The following PLOD1 variants were observed in gnomAD, a reference collection of about 807,000 sequenced individuals.
PLOD1 encodes procollagen-lysine,2-oxoglutarate 5-dioxygenase 1.
A neutral mutation model predicts 94.7 loss-of-function variants in PLOD1; 70 were observed. That is an observed-to-expected ratio of 0.74 (90% CI 0.61 to 0.90). The LOEUF is 0.90. PLOD1 is among the 40% of genes least tolerant of loss of function. The pLI, the probability that PLOD1 is intolerant of heterozygous loss-of-function variation, is 0.00. For missense variants in PLOD1, 905 were observed against 972.7 expected (o/e 0.93, Z 0.93); for synonymous variants, 417 against 400.2 (o/e 1.04, Z -0.50).
intron 17 of PLOD1, among the ~76,000 whole-genome samples, chr1:11,971,358 TC>T (rs1243999997): frequency 6.8e-6 from 1 of 146,712 alleles, no homozygotes; most frequent in East Asian, 2.0e-4. Flanking sequence ...GGATATTTGG[TC>T]CCCAGGCAGG....
At position 11,963,443 on chromosome 1, in the gene PLOD1, G is replaced by A. The variant is rs72641011; in HGVS notation, c.1098-89G>A. Reference sequence around the variant, plus strand: ...CTCTCTAAAGCCCCTTGGCTGATATGTGGTGAAGCCAGACTGTGGTCACAG... The same window carrying A: ...CTCTCTAAAGCCCCTTGGCTGATATATGGTGAAGCCAGACTGTGGTCACAG... On this transcript the variant is annotated intron_variant, in intron 10 of 18. Transcript: ENST00000196061. This position sits in a 1 kb window ranked among gnomAD's most constrained non-coding sequence, Gnocchi z 4.3. 0.026 allele frequency: 21,920 copies of A among 840,920 alleles called. 394 individuals are homozygous for A. Among genetic ancestry groups the A allele is most frequent in the Non-Finnish European group, 0.034 (16,980 of 499,152 alleles). The allele number at this position is 840,920 out of a possible 1,614,324, so 52.1% of individuals were successfully genotyped here.
intron 1 of PLOD1, among the ~76,000 whole-genome samples, chr1:11,938,281 A>G (rs72860409): frequency 0.026 from 3,890 of 151,904 alleles, 138 homozygotes; most frequent in African/African-American, 0.089. Context: ...GAAATCATCA[A>G]CTCCATTTTG....
chr1:11,941,016 C>G (rs889059059), intron 1 of PLOD1, among the ~76,000 whole-genome samples: 12 of 152,208 alleles, frequency 7.9e-5, no homozygotes, highest in South Asian at 2.1e-4. Flanking sequence ...AGAATTCCAA[C>G]TCATTCCCAT....
intron 1 of PLOD1, among the ~76,000 whole-genome samples, chr1:11,943,332 T>C (rs1273805754): frequency 1.3e-5 from 2 of 151,550 alleles, no homozygotes; most frequent in African/African-American, 4.9e-5. Flanking sequence ...GTTTTGTTCT[T>C]GTCGCCCAGG....
chr1:11,945,058 G>A (rs753935732), intron 1 of PLOD1, among the ~76,000 whole-genome samples: 2 of 152,212 alleles, frequency 1.3e-5, no homozygotes, highest in Non-Finnish European at 2.9e-5. Flanking sequence ...GGAGAAATCC[G>A]AGAAGGCTTC....
chr1:11,964,599 C>T (rs772397338), intron 12 of PLOD1, 45 bp from the exon 13 acceptor site: 2 of 1,608,778 alleles, frequency 1.2e-6, no homozygotes, highest in East Asian at 4.5e-5. Context: ...CCATCTTCCC[C>T]ACCACCAGCC....
rs1645744992 is a variant in PLOD1 at position 11,957,191 on chromosome 1, G to A, written c.741+177G>A. 5.3e-6 allele frequency: 4 copies of A among 761,080 alleles called. No individual in the cohort carries two copies. The highest frequency in any genetic ancestry group is 9.8e-6 in the Non-Finnish European group (4 of 406,540). The allele number at this position is 761,080 out of a possible 1,614,324, so 47.1% of individuals were successfully genotyped here. A position where few individuals can be genotyped will look rare whatever the true frequency, so the allele number is the denominator to read the frequency against. On this transcript the variant is annotated intron_variant, in intron 7 of 18. Transcript: ENST00000196061. This position sits in a 1 kb window ranked among gnomAD's most constrained non-coding sequence, Gnocchi z 4.1. ...CGTGATGCCTTCTTTTCCTGCTGTG[G>A]TGGTCAGTGGTACTCTGTCTGTTCT...
At chr1:11,942,451 C>A (rs904089203) in intron 1 of PLOD1, among the ~76,000 whole-genome samples, 1 of 152,116 alleles carries the variant, frequency 6.6e-6, no homozygotes, top group Non-Finnish European at 1.5e-5. Flanking sequence ...ACTGGGCAAA[C>A]CAAGACTGCA....
chr1:11,973,714 G>A (rs896155565), intron 18 of PLOD1, among the ~76,000 whole-genome samples: 7 of 151,834 alleles, frequency 4.6e-5, no homozygotes, highest in African/African-American at 1.7e-4. Flanking sequence ...CCAAGTAGTT[G>A]GGACCACAGG....
At chr1:11,969,588 T>C (rs1341888971) in intron 16 of PLOD1, among the ~76,000 whole-genome samples, 1 of 152,192 alleles carries the variant, frequency 6.6e-6, no homozygotes, top group East Asian at 1.9e-4. Flanking sequence ...CTGTAACAAA[T>C]GACTGTGGCT....
rs1645686954 is a variant in PLOD1, at chr1:11,949,877, G to T, written c.273G>T (p.Lys91Asn). Residue 91 changes from lysine to asparagine, a missense_variant, in exon 3 of 19, where the codon AAG becomes AAT. Transcript: ENST00000196061. ...AAGCTCTGGAGAAGCACGCAGACAAGGAGGATCTGGTCATTCTCTTCGCAG... is the reference window on the plus strand; with the variant it reads ...AAGCTCTGGAGAAGCACGCAGACAATGAGGATCTGGTCATTCTCTTCGCAG... Reference protein sequence around the residue: ...LKKALEKHADKEDLVILFADS... With the variant: ...LKKALEKHADNEDLVILFADS... 1 of 1,614,134 alleles carries T rather than the reference G, an allele frequency of 6.2e-7. No homozygotes were observed. The highest frequency in any genetic ancestry group is 2.2e-5 in the East Asian group (1 of 44,884).
In PLOD1 at chr1:11,957,361, A is replaced by T. The variant is rs746638150; in HGVS notation, c.741+347A>T. Among the ~76,000 whole-genome samples the T allele has an allele frequency of 2.6e-5, 4 of 152,206 alleles. No individual in the cohort carries two copies. The highest frequency in any genetic ancestry group is 4.4e-5 in the Non-Finnish European group (3 of 68,034). Reference sequence around the variant, plus strand: ...TCATGTTTGCACCAGACAGTAAGACATAGTCATAAGCAGGACGGATGTCCT... The same window carrying T: ...TCATGTTTGCACCAGACAGTAAGACTTAGTCATAAGCAGGACGGATGTCCT... On this transcript the variant is annotated intron_variant, in intron 7 of 18. Transcript: ENST00000196061. The surrounding 1 kb of genome is among the most constrained non-coding windows in gnomAD (Gnocchi z 4.1).
chr1:11,949,877 G>A lies in PLOD1; in HGVS notation c.273G>A (p.Lys91=). 1 of 1,614,134 alleles carries A rather than the reference G, an allele frequency of 6.2e-7. No individual in the cohort carries two copies. Residue 91 remains lysine (K), a synonymous_variant, in exon 3 of 19, where the codon AAG becomes AAA. Transcript: ENST00000196061. The part of the protein sequence containing the change: ...LKKALEKHAD[K]EDLVILFADS... ...AAGCTCTGGAGAAGCACGCAGACAA[G>A]GAGGATCTGGTCATTCTCTTCGCAG...
chr1:11,965,097 G>A (rs1037016593), intron 13 of PLOD1, among the ~76,000 whole-genome samples: 1 of 151,406 alleles, frequency 6.6e-6, no homozygotes, highest in African/African-American at 2.4e-5. Flanking sequence ...CAAGTGATGT[G>A]CCCGAGAGAC....
intron 5 of PLOD1, among the ~76,000 whole-genome samples, chr1:11,953,267 G>A (rs1376777781): frequency 6.6e-6 from 1 of 151,764 alleles, no homozygotes; most frequent in East Asian, 2.0e-4. Context: ...CGTTCGCCAG[G>A]CTGGTCTCGA....
chr1:11,952,121 T>G (rs1230282132), intron 4 of PLOD1, among the ~76,000 whole-genome samples: 2 of 152,172 alleles, frequency 1.3e-5, no homozygotes, highest in Non-Finnish European at 2.9e-5. Context: ...AGTAGGGATG[T>G]CCCATTGCTC....
intron 17 of PLOD1, among the ~76,000 whole-genome samples, chr1:11,971,316 T>C (rs1645862221): frequency 7.0e-6 from 1 of 142,222 alleles, no homozygotes; most frequent in Non-Finnish European, 1.5e-5. Flanking sequence ...GGAGTACGGG[T>C]GGAGGAACAT....
intron 16 of PLOD1, among the ~76,000 whole-genome samples, chr1:11,967,595 G>GAAATATATATATATTTTATT (rs1557498307): frequency 2.0e-5 from 1 of 50,634 alleles, no homozygotes; most frequent in African/African-American, 1.1e-4. Flanking sequence ...GTGTGTGTGT[G>GAAATATATATATATTTTATT]TGTATATATA....
chr1:11,969,811 C>T (rs1029826106), intron 16 of PLOD1, among the ~76,000 whole-genome samples: 1 of 152,174 alleles, frequency 6.6e-6, no homozygotes, highest in African/African-American at 2.4e-5. Context: ...AATCTCTCTT[C>T]AGTATCCTCC....
Sources: allele counts gnomAD v4.1 joint callset (sites outside exome capture counted in the v4.1 genomes callset), GRCh38; gene constraint gnomAD v4.1.1; non-coding constraint Gnocchi (gnomAD v3.1); transcripts MANE v1.5; gene names NCBI Gene and HGNC (gene_info 2026-07-23, HGNC 2026-07-21).